Variants in IL1R1 observed in about 807,000 individuals in gnomAD.
The protein encoded by IL1R1 is interleukin-1 receptor type 1.
Under a neutral mutation model 50.2 loss-of-function variants are expected in IL1R1, and 22 were observed. That is an observed-to-expected ratio of 0.44 (90% CI 0.31 to 0.63). The LOEUF is 0.63. Among genes scored for constraint, IL1R1 ranks in the 20% least tolerant of loss-of-function variants. The pLI is 0.07. For missense variants in IL1R1, 509 were observed against 676.2 expected, an observed-to-expected ratio of 0.75 and a Z score of 2.74; for synonymous variants, 251 against 236.7, an observed-to-expected ratio of 1.06 and a Z score of -0.55.
At chr2:102,086,682 A>G (rs575741819) in intron 1 of IL1R1, among the ~76,000 whole-genome samples, 1 of 152,218 alleles carries the variant, frequency 6.6e-6, no homozygotes, top group East Asian at 1.9e-4. Context: ...TGCTCTGGGA[A>G]TCACCTCGTA....
At chr2:102,137,130 A>C (rs1191896559) in intron 1 of IL1R1, among the ~76,000 whole-genome samples, 1 of 152,212 alleles carries the variant, frequency 6.6e-6, no homozygotes, top group East Asian at 1.9e-4. Context: ...GACATTGCTC[A>C]GAGGTGATGC....
At chr2:102,077,296 C>T (rs778495767) in intron 1 of IL1R1, among the ~76,000 whole-genome samples, 3 of 152,126 alleles carry the variant, frequency 2.0e-5, no homozygotes, top group Non-Finnish European at 4.4e-5. Context: ...GTCTTGAACT[C>T]CTGACCTCAG....
intron 1 of IL1R1, among the ~76,000 whole-genome samples, chr2:102,137,456 G>A (rs1208836659): frequency 6.6e-6 from 1 of 152,148 alleles, no homozygotes; most frequent in African/African-American, 2.4e-5. Flanking sequence ...GCACTGCCAT[G>A]GCTGGAATGT....
chr2:102,147,514 G>C (rs1370485166), intron 1 of IL1R1, among the ~76,000 whole-genome samples: 1 of 152,166 alleles, frequency 6.6e-6, no homozygotes, highest in African/African-American at 2.4e-5. Context: ...AGGGGAGGCT[G>C]GGAAGCACAA....
intron 1 of IL1R1, among the ~76,000 whole-genome samples, chr2:102,097,356 CATTA>C (rs1679949178): frequency 6.6e-6 from 1 of 152,120 alleles, no homozygotes; most frequent in Non-Finnish European, 1.5e-5. Context: ...ATTTAATGAA[CATTA>C]ATTGTCTGTA....
intron 1 of IL1R1, among the ~76,000 whole-genome samples, chr2:102,115,901 G>A (rs1174611630): frequency 6.6e-6 from 1 of 152,178 alleles, no homozygotes; most frequent in Non-Finnish European, 1.5e-5. Flanking sequence ...GGAGCATCTG[G>A]AATGCTATAC....
At chr2:102,109,664 G>A (rs893111979) in intron 1 of IL1R1, among the ~76,000 whole-genome samples, 4 of 152,190 alleles carry the variant, frequency 2.6e-5, no homozygotes, top group African/African-American at 9.6e-5. Context: ...GAACCCACAT[G>A]GGCCAATGTG....
intron 1 of IL1R1, among the ~76,000 whole-genome samples, chr2:102,153,667 G>T (rs1322907660): frequency 6.6e-6 from 1 of 152,128 alleles, no homozygotes; most frequent in Non-Finnish European, 1.5e-5. Context: ...TGGTTTAAAA[G>T]TGTTTGGCAC....
intron 1 of IL1R1, among the ~76,000 whole-genome samples, chr2:102,071,241 C>G (rs1029429760): frequency 6.6e-6 from 1 of 152,162 alleles, no homozygotes; most frequent in East Asian, 1.9e-4. Context: ...AAAGCTCCCT[C>G]TTCCCTTCTG....
At chr2:102,172,030 CCTTT>C in intron 8 of IL1R1, 112 bp downstream of exon 8, 1 of 134,638 alleles carries the variant, frequency 7.4e-6, no homozygotes, top group South Asian at 3.3e-4. Flanking sequence ...ACCTTTGCTG[CCTTT>C]TTTTTTTTTT....
At chr2:102,106,503 T>G (rs1372195412) in intron 1 of IL1R1, among the ~76,000 whole-genome samples, 1 of 152,170 alleles carries the variant, frequency 6.6e-6, no homozygotes, top group Non-Finnish European at 1.5e-5. Context: ...GGAGGAAAAC[T>G]TGGCAGGAAC....
chr2:102,161,946 C>T (rs1415623556), intron 3 of IL1R1, among the ~76,000 whole-genome samples: 1 of 152,104 alleles, frequency 6.6e-6, no homozygotes, highest in Admixed American at 6.6e-5. Flanking sequence ...AGGTGACTCA[C>T]CCGCCTCAGC....
chr2:102,077,783 C>T (rs1189728279), intron 1 of IL1R1, among the ~76,000 whole-genome samples: 3 of 152,160 alleles, frequency 2.0e-5, no homozygotes, highest in African/African-American at 7.2e-5. Flanking sequence ...TTATCCACTG[C>T]ATGTGGACTA....
chr2:102,174,498 G>A (rs1482695960), intron 9 of IL1R1, 89 bp from the exon 10 acceptor site: 2 of 979,666 alleles, frequency 2.0e-6, no homozygotes, highest in Non-Finnish European at 2.9e-6. Flanking sequence ...TGGGCTCTCT[G>A]AGACGAAGAT....
At chr2:102,138,641 T>C (rs181682438), upstream of IL1R1, among the ~76,000 whole-genome samples, 1 of 152,086 alleles carries the variant, frequency 6.6e-6, no homozygotes. Context: ...GAAGTTGTAG[T>C]GAGAAAAAGT....
intron 1 of IL1R1, among the ~76,000 whole-genome samples, chr2:102,113,914 A>G (rs1278942333): frequency 5.9e-5 from 9 of 152,232 alleles, no homozygotes; most frequent in Admixed American, 5.9e-4. Flanking sequence ...CGGCAGATCG[A>G]TAACAGAGTC....
At chr2:102,160,005 T>C (rs1684570653) in intron 3 of IL1R1, among the ~76,000 whole-genome samples, 1 of 152,204 alleles carries the variant, frequency 6.6e-6, no homozygotes, top group Non-Finnish European at 1.5e-5. Flanking sequence ...TTTGCCAGTC[T>C]TTTTGTTGCC....
chr2:102,175,907 T>TA, intron 11 of IL1R1: 1 of 583,474 alleles, frequency 1.7e-6, no homozygotes, highest in South Asian at 2.2e-5. Flanking sequence ...TTACAACTGA[T>TA]ACAATTAAAC....
chr2:102,118,249 TGGG>T (rs1003011438), intron 1 of IL1R1, among the ~76,000 whole-genome samples: 9 of 152,180 alleles, frequency 5.9e-5, no homozygotes, highest in African/African-American at 1.9e-4. Context: ...CCCAGAACTC[TGGG>T]GTTTGGGGAG....
Sources: allele counts gnomAD v4.1 joint callset (sites outside exome capture counted in the v4.1 genomes callset), GRCh38; gene constraint gnomAD v4.1.1; transcripts MANE v1.5; gene names NCBI Gene and HGNC (gene_info 2026-07-23, HGNC 2026-07-21).